LRPPRC: variants seen among roughly 807,000 people sequenced by gnomAD.
The protein encoded by LRPPRC is leucine-rich PPR motif-containing protein, mitochondrial.
LRPPRC carries 120 observed loss-of-function variants against 180.3 expected under a neutral mutation model. The observed-to-expected ratio is 0.67, with a 90% CI of 0.57 to 0.77. The LOEUF is 0.77. LRPPRC is among the 30% of genes least tolerant of loss of function. The pLI, the probability that LRPPRC is intolerant of heterozygous loss-of-function variation, is 0.00. For synonymous variants in LRPPRC, 723 were observed against 600.0 expected (o/e 1.21, Z -3.00); for missense variants, 2,012 against 1,657.2 (o/e 1.21, Z -3.72).
chr2:43,975,106 A>C lies in LRPPRC; in HGVS notation c.849T>G (p.Ile283Met), dbSNP rs1353718636. 3 of 1,613,166 alleles carry C rather than the reference A, an allele frequency of 1.9e-6. No homozygotes were observed. The highest frequency in any genetic ancestry group is 2.5e-6 in the Non-Finnish European group (3 of 1,179,866). ...TAAGTCATACCTGCTTAACATGGTC[A>C]ATGTCGCCCTTCTCAGCATATGCAT... ...LLNAYAEKGD[I>M]DHVKQTLEKV... Residue 283 changes from isoleucine to methionine, a missense_variant, in exon 7 of 38, where the codon ATT becomes ATG. Coordinates refer to ENST00000260665, the MANE Select transcript of LRPPRC (RefSeq NM_133259.4).
At chr2:43,971,927 ATATAAAAGC>A in intron 11 of LRPPRC, among the ~76,000 whole-genome samples, 1 of 152,334 alleles carries the variant, frequency 6.6e-6, no homozygotes. Context: ...AGAACACACA[ATATAAAAGC>A]ATAAACTTTT....
intron 29 of LRPPRC, among the ~76,000 whole-genome samples, chr2:43,915,213 C>T (rs1671408639): frequency 2.0e-5 from 2 of 100,494 alleles, no homozygotes; most frequent in South Asian, 7.9e-4. Flanking sequence ...CTCTCTCTCT[C>T]TCTCTCTCTC....
At chr2:43,939,212 C>T (rs1039397386) in intron 23 of LRPPRC, among the ~76,000 whole-genome samples, 1 of 151,568 alleles carries the variant, frequency 6.6e-6, no homozygotes, top group Admixed American at 6.6e-5. Context: ...ACCCAGGAGG[C>T]GGAGCTTGCA....
At position 43,982,385 on chromosome 2, in the gene LRPPRC, CT is replaced by C; in HGVS notation, c.198del (p.Asp67IlefsTer21). 1.9e-6 allele frequency: 3 copies of C among 1,614,070 alleles called. No individual in the cohort carries two copies. Among genetic ancestry groups the C allele is most frequent in the Non-Finnish European group, 2.5e-6 (3 of 1,179,964 alleles). ...GAAAAAGTGGACTCCTCTTGAATATCTTTTTCTTTGGCAGCAATGGCATACA... is the reference window on the plus strand; with the variant it reads ...GAAAAAGTGGACTCCTCTTGAATATCTTTTCTTTGGCAGCAATGGCATACA... ...ARLYAIAAKEKDIQEESTFSS... is the reference protein window; with the variant it reads ...ARLYAIAAKEXDIQEESTFSS... On this transcript the variant is annotated frameshift_variant, in exon 2 of 38. Coordinates refer to ENST00000260665, the MANE Select transcript of LRPPRC (RefSeq NM_133259.4). LOFTEE classifies it high-confidence loss of function.
chr2:43,903,955 G>C (rs943291036), intron 31 of LRPPRC: 6 of 151,790 alleles, frequency 4.0e-5, no homozygotes, highest in African/African-American at 4.8e-5. Context: ...GTCTTTTTTG[G>C]GGGGGCCGGG....
chr2:43,955,581 A>T (rs1355443823), intron 14 of LRPPRC, among the ~76,000 whole-genome samples: 1 of 152,102 alleles, frequency 6.6e-6, no homozygotes, highest in African/African-American at 2.4e-5. Flanking sequence ...CTACAAAAAA[A>T]TTTTAAAAAT....
At chr2:43,965,361 G>T (rs1056572987) in intron 11 of LRPPRC, among the ~76,000 whole-genome samples, 1 of 152,018 alleles carries the variant, frequency 6.6e-6, no homozygotes, top group East Asian at 1.9e-4. Context: ...GCCCAGCCTG[G>T]ACCCTTATCT....
intron 30 of LRPPRC, among the ~76,000 whole-genome samples, chr2:43,911,902 T>C (rs1412251395): frequency 6.6e-6 from 1 of 152,160 alleles, no homozygotes; most frequent in Non-Finnish European, 1.5e-5. Context: ...GTACCTATGT[T>C]TTCTCTACTT....
At chr2:43,899,933 G>A (rs778616144) in intron 32 of LRPPRC, among the ~76,000 whole-genome samples, 1 of 152,232 alleles carries the variant, frequency 6.6e-6, no homozygotes, top group South Asian at 2.1e-4. Flanking sequence ...TTAAAATTCT[G>A]TATCTTAAAT....
intron 14 of LRPPRC, among the ~76,000 whole-genome samples, chr2:43,954,370 A>T (rs1281607204): frequency 1.3e-5 from 2 of 152,240 alleles, no homozygotes; most frequent in African/African-American, 2.4e-5. Context: ...AATAGTTAGG[A>T]AGATGCAAAT....
chr2:43,970,723 C>A (rs1041884499), intron 11 of LRPPRC, among the ~76,000 whole-genome samples: 5 of 152,328 alleles, frequency 3.3e-5, no homozygotes, highest in Non-Finnish European at 7.3e-5. Flanking sequence ...ACAACTTTCA[C>A]CAACTATGAC....
At chr2:43,924,579 ATGTT>A (rs1450120137) in intron 27 of LRPPRC, among the ~76,000 whole-genome samples, 2 of 152,200 alleles carry the variant, frequency 1.3e-5, no homozygotes, top group African/African-American at 4.8e-5. Context: ...ATATAGAAAA[ATGTT>A]TGTAATATAT....
intron 24 of LRPPRC, 64 bp downstream of exon 24, chr2:43,934,690 C>T: frequency 6.9e-7 from 1 of 1,453,372 alleles, no homozygotes. Flanking sequence ...CTTAACAATA[C>T]ACTAAGATTA....
intron 16 of LRPPRC, 41 bp from the exon 17 acceptor site, chr2:43,948,559 C>A (rs758504834): frequency 1.1e-6 from 1 of 948,020 alleles, no homozygotes; most frequent in Middle Eastern, 2.1e-4. Flanking sequence ...CTAAAATTAC[C>A]GAGACTGTCA....
intron 29 of LRPPRC, among the ~76,000 whole-genome samples, chr2:43,917,357 T>TGA (rs1369203697): frequency 6.6e-6 from 1 of 152,034 alleles, no homozygotes; most frequent in Non-Finnish European, 1.5e-5. Context: ...CCTGCTTCGT[T>TGA]TTTTATAGCT....
chr2:43,977,490 G>C (rs1674112233), intron 3 of LRPPRC, among the ~76,000 whole-genome samples: 1 of 152,148 alleles, frequency 6.6e-6, no homozygotes, highest in South Asian at 2.1e-4. Flanking sequence ...ATAGTTACAA[G>C]TAACTGCCTA....
chr2:43,961,925 T>C (rs1673363187), intron 12 of LRPPRC, among the ~76,000 whole-genome samples: 1 of 152,088 alleles, frequency 6.6e-6, no homozygotes, highest in Non-Finnish European at 1.5e-5. Flanking sequence ...ATCGCACCAC[T>C]GCACTCTAGC....
chr2:43,959,527 T>C (rs1673253660), intron 13 of LRPPRC, among the ~76,000 whole-genome samples: 1 of 152,188 alleles, frequency 6.6e-6, no homozygotes, highest in African/African-American at 2.4e-5. Context: ...GACATATTTT[T>C]CAGAAGATCT....
At chr2:43,971,767 A>T (rs1464478216) in intron 11 of LRPPRC, among the ~76,000 whole-genome samples, 2 of 152,042 alleles carry the variant, frequency 1.3e-5, no homozygotes, top group Non-Finnish European at 2.9e-5. Flanking sequence ...CTTACCTTAC[A>T]CTAAAGAAAC....
Sources: allele counts gnomAD v4.1 joint callset (sites outside exome capture counted in the v4.1 genomes callset), GRCh38; gene constraint gnomAD v4.1.1; transcripts MANE v1.5; gene names NCBI Gene and HGNC (gene_info 2026-07-23, HGNC 2026-07-21).